Variants in HMGXB4 observed in about 807,000 individuals in gnomAD.
The protein encoded by HMGXB4 is HMG-box containing 4.
Under a neutral mutation model 63.9 loss-of-function variants are expected in HMGXB4, and 27 were observed. That is an observed-to-expected ratio of 0.42 (90% confidence interval 0.31 to 0.58). The LOEUF (loss-of-function observed/expected upper bound fraction) is 0.58, where lower values mean the gene tolerates loss of function less well. HMGXB4 is among the 20% of genes least tolerant of loss of function. The pLI, the probability that HMGXB4 is intolerant of heterozygous loss-of-function variation, is 0.13. For missense variants in HMGXB4, 624 were observed against 700.7 expected (o/e 0.89, Z 1.24); for synonymous variants, 264 against 265.3 (o/e 0.99, Z 0.05).
upstream of HMGXB4, among the ~76,000 whole-genome samples, chr22:35,253,618 T>C (rs111750079): frequency 6.9e-3 from 1,013 of 147,028 alleles, 4 homozygotes; most frequent in African/African-American, 0.018. Flanking sequence ...CGCGCGCGCG[T>C]GTGTGTGTGT....
Position 35,263,885 on chromosome 22 carries a change from G to A in HMGXB4, c.259+11G>A. 6.2e-7 allele frequency: 1 copy of A among 1,611,712 alleles called. No homozygotes were observed. The highest frequency in any genetic ancestry group is 8.5e-7 in the Non-Finnish European group (1 of 1,177,778). On this transcript the variant is annotated intron_variant, in intron 4 of 10. Coordinates refer to ENST00000216106, the MANE Select transcript of HMGXB4 (RefSeq NM_001003681.3). ...ATTACTACTATGGAGGTGAGGATGG[G>A]AATGGGCAACAGGTGGGATAAACAC... is the stretch of plus-strand genomic sequence containing the variant.
chr22:35,292,256 T>C (rs1451105777), intron 9 of HMGXB4, among the ~76,000 whole-genome samples: 1 of 152,160 alleles, frequency 6.6e-6, no homozygotes, highest in African/African-American at 2.4e-5. Flanking sequence ...GTTAGTATCT[T>C]ACAGGCACAG....
chr22:35,263,351 T>C, intron 3 of HMGXB4, 125 bp downstream of exon 3: 5 of 735,262 alleles, frequency 6.8e-6, no homozygotes, highest in Non-Finnish European at 8.6e-6. Context: ...TGGCACAATC[T>C]CTGCTCACTG....
intron 5 of HMGXB4, among the ~76,000 whole-genome samples, chr22:35,280,583 C>G (rs1924187816): frequency 6.6e-6 from 1 of 152,186 alleles, no homozygotes; most frequent in South Asian, 2.1e-4. Flanking sequence ...TGCCTTTGCT[C>G]TTGTTCTTCT....
chr22:35,268,092 A>G (rs1158057681), intron 5 of HMGXB4, among the ~76,000 whole-genome samples: 1 of 152,204 alleles, frequency 6.6e-6, no homozygotes, highest in African/African-American at 2.4e-5. Flanking sequence ...TCAAAACCAT[A>G]AAGATAAAAT....
intron 5 of HMGXB4, among the ~76,000 whole-genome samples, chr22:35,279,677 C>CA (rs1555888468): frequency 7.1e-4 from 39 of 55,170 alleles, no homozygotes; most frequent in Non-Finnish European, 1.5e-3. Flanking sequence ...GTCTAGATTC[C>CA]TTTTTTTTTT....
intron 5 of HMGXB4, among the ~76,000 whole-genome samples, chr22:35,277,976 A>G (rs1924014076): frequency 6.6e-6 from 1 of 152,186 alleles, no homozygotes; most frequent in Non-Finnish European, 1.5e-5. Flanking sequence ...TCTCAGGCAG[A>G]GTATTTTCAC....
intron 1 of HMGXB4, among the ~76,000 whole-genome samples, chr22:35,260,734 GTTTCT>G (rs1922795280): frequency 6.6e-6 from 1 of 152,064 alleles, no homozygotes; most frequent in African/African-American, 2.4e-5. Context: ...GCTTTTTTAT[GTTTCT>G]TTTCTTAATC....
At chr22:35,292,906 C>A in intron 9 of HMGXB4, 86 bp from the exon 10 acceptor site, 1 of 1,511,192 alleles carries the variant, frequency 6.6e-7, no homozygotes. Context: ...GTAGAACTGC[C>A]TAGGATTTAA....
At chr22:35,256,644 C>T (rs1445000814), upstream of HMGXB4, among the ~76,000 whole-genome samples, 1 of 152,146 alleles carries the variant, frequency 6.6e-6, no homozygotes, top group Non-Finnish European at 1.5e-5. Flanking sequence ...GGATTACAGG[C>T]ACGCGCCACC....
intron 5 of HMGXB4, among the ~76,000 whole-genome samples, chr22:35,278,156 T>G (rs1410309125): frequency 1.3e-5 from 2 of 152,218 alleles, no homozygotes; most frequent in Non-Finnish European, 1.5e-5. Context: ...TTAAATTTCC[T>G]CCATGTCTTT....
chr22:35,268,270 AT>A (rs1254667781), intron 5 of HMGXB4, among the ~76,000 whole-genome samples: 2 of 151,920 alleles, frequency 1.3e-5, no homozygotes, highest in African/African-American at 4.8e-5. Flanking sequence ...AACTGTTCTG[AT>A]TTTTTCCAGT....
At chr22:35,277,255 C>T (rs922026933) in intron 5 of HMGXB4, among the ~76,000 whole-genome samples, 4 of 152,198 alleles carry the variant, frequency 2.6e-5, no homozygotes, top group Admixed American at 2.0e-4. Flanking sequence ...TCTTCAAATT[C>T]GAGACCAGCC....
Position 35,263,218 on chromosome 22 carries a change from A to T in HMGXB4, c.172A>T (p.Lys58Ter). The T allele has an allele frequency of 6.2e-7, 1 of 1,611,712 alleles. No individual in the cohort carries two copies. Among genetic ancestry groups the T allele is most frequent in the Non-Finnish European group, 8.5e-7 (1 of 1,178,994 alleles). The change falls in exon 3 of 11, where the codon AAG becomes TAG. Residue 58 changes from lysine to a stop codon, truncating the protein, a stop_gained. Coordinates refer to ENST00000216106, the MANE Select transcript of HMGXB4 (RefSeq NM_001003681.3). LOFTEE classifies it high-confidence loss of function. ...TCAGGTCAGGAATTCTTCCAAGAAG[A>T]AGTTGAAGGTAAGTCCTGAAAATTT... ...AAQVRNSSKK[K>*]LKDSELYFLG...
intron 5 of HMGXB4, among the ~76,000 whole-genome samples, chr22:35,270,072 A>T (rs910581789): frequency 4.6e-5 from 7 of 152,162 alleles, no homozygotes; most frequent in African/African-American, 1.7e-4. Context: ...GACAAGATCT[A>T]CCTACAGCAG....
the HMGXB4 span, among the ~76,000 whole-genome samples, chr22:35,241,738 T>C: frequency 6.6e-6 from 1 of 152,234 alleles, no homozygotes; most frequent in Non-Finnish European, 1.5e-5. Context: ...GGGTCTCCCT[T>C]TCCCACTTCT....
rs1174982349 is a variant in HMGXB4, at chr22:35,294,411, GAATT to G, written c.*763_*766del. On this transcript the variant is annotated 3_prime_UTR_variant, in exon 11 of 11. Coordinates refer to ENST00000216106, the MANE Select transcript of HMGXB4 (RefSeq NM_001003681.3). ...GCTAACCCAGAATCTTTAGTCGGCAGAATTAAGTGCTGGTGTCTTTCACTGGCAG... is the reference window on the plus strand; with the variant it reads ...GCTAACCCAGAATCTTTAGTCGGCAGAAGTGCTGGTGTCTTTCACTGGCAG... 2.0e-5 allele frequency: 3 copies of G among 152,560 alleles called. No homozygotes were observed. The highest frequency in any genetic ancestry group is 1.3e-4 in the Admixed American group (2 of 15,280). 9.5% of individuals were successfully genotyped at this position (152,560 alleles called of 1,614,324 possible). A position where few individuals can be genotyped will look rare whatever the true frequency, so the allele number is the denominator to read the frequency against.
At chr22:35,288,026 CT>C (rs1924701183) in intron 8 of HMGXB4, among the ~76,000 whole-genome samples, 1 of 152,140 alleles carries the variant, frequency 6.6e-6, no homozygotes, top group Non-Finnish European at 1.5e-5. Flanking sequence ...GTCACATATT[CT>C]TTGTTTTTCT....
chr22:35,253,989 A>G (rs1922294657), upstream of HMGXB4, among the ~76,000 whole-genome samples: 1 of 152,094 alleles, frequency 6.6e-6, no homozygotes, highest in South Asian at 2.1e-4. Flanking sequence ...CTTCTAGCAA[A>G]AGGCCCTGGC....
Sources: allele counts gnomAD v4.1 joint callset (sites outside exome capture counted in the v4.1 genomes callset), GRCh38; gene constraint gnomAD v4.1.1; transcripts MANE v1.5; gene names NCBI Gene and HGNC (gene_info 2026-07-23, HGNC 2026-07-21).